The following CPVL variants were observed in gnomAD, a reference collection of about 807,000 sequenced individuals.
CPVL encodes the protein probable serine carboxypeptidase CPVL.
A neutral mutation model predicts 63.7 loss-of-function variants in CPVL; 51 were observed. That is an observed-to-expected ratio of 0.80 (90% CI 0.64 to 1.01). CPVL has a LOEUF of 1.01. CPVL is among the 50% of genes least tolerant of loss of function. The pLI is 0.00. For missense variants in CPVL, 530 were observed against 573.1 expected (o/e 0.92, Z 0.77); for synonymous variants, 195 against 206.0 (o/e 0.95, Z 0.46).
At chr7:29,004,506 TTC>T (rs1784976734) in intron 12 of CPVL, among the ~76,000 whole-genome samples, 1 of 152,216 alleles carries the variant, frequency 6.6e-6, no homozygotes, top group Non-Finnish European at 1.5e-5. Context: ...AGTTGAAGCT[TTC>T]TCTTTCCTTG....
intron 12 of CPVL, among the ~76,000 whole-genome samples, chr7:29,023,377 A>G (rs970957114): frequency 1.1e-4 from 16 of 152,260 alleles, no homozygotes; most frequent in African/African-American, 3.6e-4. Context: ...TCCTTTTATA[A>G]AACCATCAGA....
chr7:28,997,810 A>G lies in CPVL; in HGVS notation c.1321-1928T>C, dbSNP rs570177719. Among the ~76,000 whole-genome samples the G allele has an allele frequency of 2.0e-5, 3 of 152,350 alleles. No individual in the cohort carries two copies. The East Asian group carries it at 5.8e-4, about 29-fold the overall frequency. ...CCTCTGAGGTTTATTGATGAAAAAA[A>G]TTATTGCAGATATAAACATAATTTT... is the stretch of plus-strand genomic sequence containing the variant. On this transcript the variant is annotated intron_variant, in intron 12 of 12. Transcript: ENST00000265394.
intron 12 of CPVL, among the ~76,000 whole-genome samples, chr7:29,004,512 T>C (rs1279231610): frequency 6.6e-6 from 1 of 152,218 alleles, no homozygotes; most frequent in Non-Finnish European, 1.5e-5. Context: ...AGCTTTCTCT[T>C]TCCTTGGGCA....
chr7:29,019,687 C>T (rs147687659), intron 12 of CPVL, among the ~76,000 whole-genome samples: 157 of 152,246 alleles, frequency 1.0e-3, no homozygotes, highest in Middle Eastern at 3.4e-3. Context: ...GGCTAAGGTC[C>T]GTTTTCTTCA....
chr7:29,150,023 G>C (rs948383653), upstream of CPVL, among the ~76,000 whole-genome samples: 1 of 152,138 alleles, frequency 6.6e-6, no homozygotes, highest in Non-Finnish European at 1.5e-5. Flanking sequence ...TCAAAGGTTG[G>C]CCAACAAATC....
chr7:29,189,666 ACTCT>A (rs902398630), intron 1 of CPVL, among the ~76,000 whole-genome samples: 14 of 146,322 alleles, frequency 9.6e-5, no homozygotes, highest in East Asian at 6.0e-4. Context: ...AGAAAGAAAA[ACTCT>A]CTCTCTCTCG....
intron 3 of CPVL, among the ~76,000 whole-genome samples, chr7:29,102,250 G>A (rs1315711801): frequency 6.6e-6 from 1 of 152,100 alleles, no homozygotes; most frequent in Non-Finnish European, 1.5e-5. Flanking sequence ...AGGTTTTCAT[G>A]CAGTTTTAGA....
At chr7:29,170,877 T>G (rs1796508882) in intron 5 of CPVL, among the ~76,000 whole-genome samples, 1 of 152,110 alleles carries the variant, frequency 6.6e-6, no homozygotes, top group African/African-American at 2.4e-5. Context: ...GCAGGAAAAC[T>G]TCCCCTTATA....
At chr7:29,063,260 C>T (rs1782808970) in intron 11 of CPVL, among the ~76,000 whole-genome samples, 1 of 152,180 alleles carries the variant, frequency 6.6e-6, no homozygotes, top group Non-Finnish European at 1.5e-5. Flanking sequence ...CAAACAGGGA[C>T]CCTTTCTCAT....
intron 7 of CPVL, among the ~76,000 whole-genome samples, chr7:29,079,259 C>T (rs1192169528): frequency 1.3e-5 from 2 of 152,166 alleles, no homozygotes; most frequent in Non-Finnish European, 2.9e-5. Context: ...GAATCTGAAG[C>T]AGGTCCTAGA....
chr7:29,069,769 AATGTGTGTGTGTGTGT>A lies in CPVL; in HGVS notation c.864+1988_864+2003del, dbSNP rs1344778484. On this transcript the variant is annotated intron_variant, in intron 9 of 12. Coordinates refer to ENST00000265394, the MANE Select transcript of CPVL (RefSeq NM_031311.5). ...TCGGCATCCTCTCCACTCACCAGTA[AATGTGTGTGTGTGTGT>A]GTGTGTGTGTGTGTGTGTGTGTGTG... Among the ~76,000 whole-genome samples the A allele has an allele frequency of 2.5e-3, 288 of 114,768 alleles. 1 individual carries two copies. The highest frequency in any genetic ancestry group is 0.014 in the South Asian group (43 of 3,148). The allele number at this position is 114,768 out of a possible 152,430, so 75.3% of individuals were successfully genotyped here.
At chr7:29,128,585 A>G (rs1389991073) in intron 1 of CPVL, among the ~76,000 whole-genome samples, 1 of 151,902 alleles carries the variant, frequency 6.6e-6, no homozygotes, top group African/African-American at 2.4e-5. Flanking sequence ...GCATGGTGGC[A>G]CACGCCTGTA....
chr7:29,018,097 C>T (rs902204772), intron 12 of CPVL, among the ~76,000 whole-genome samples: 1 of 152,124 alleles, frequency 6.6e-6, no homozygotes, highest in African/African-American at 2.4e-5. Context: ...AAATTGCAAT[C>T]AGGAAAATCA....
At chr7:29,036,914 G>A (rs1788582014) in intron 11 of CPVL, among the ~76,000 whole-genome samples, 1 of 152,166 alleles carries the variant, frequency 6.6e-6, no homozygotes. Context: ...AGGTAAGTCA[G>A]TGTACCATGA....
intron 12 of CPVL, among the ~76,000 whole-genome samples, chr7:29,006,568 T>C (rs1185759047): frequency 2.6e-5 from 4 of 152,168 alleles, no homozygotes; most frequent in African/African-American, 9.7e-5. Context: ...CTTCCATTTA[T>C]ATCAGAGCAC....
At chr7:29,147,135 G>A (rs938584744), upstream of CPVL, 8 of 845,886 alleles carry the variant, frequency 9.5e-6, no homozygotes, top group Non-Finnish European at 1.3e-5. Context: ...AGTGACCTGA[G>A]TGTATATTAT....
At chr7:29,145,289 T>C (rs771286558) in intron 1 of CPVL, among the ~76,000 whole-genome samples, 5 of 152,030 alleles carry the variant, frequency 3.3e-5, no homozygotes, top group Non-Finnish European at 5.9e-5. Context: ...AAATGAGTTG[T>C]ACATTTAGCC....
intron 1 of CPVL, among the ~76,000 whole-genome samples, chr7:29,135,007 G>A (rs1483818773): frequency 1.3e-5 from 2 of 151,564 alleles, no homozygotes; most frequent in African/African-American, 2.4e-5. Flanking sequence ...GGGAGCTGAA[G>A]TGGGAGGATC....
chr7:29,104,800 G>A (rs1787559510), intron 3 of CPVL, among the ~76,000 whole-genome samples: 1 of 152,168 alleles, frequency 6.6e-6, no homozygotes, highest in South Asian at 2.1e-4. Flanking sequence ...GATGCAGGGA[G>A]GTGTGGAGAA....
Sources: allele counts gnomAD v4.1 joint callset (sites outside exome capture counted in the v4.1 genomes callset), GRCh38; gene constraint gnomAD v4.1.1; transcripts MANE v1.5; gene names NCBI Gene and HGNC (gene_info 2026-07-23, HGNC 2026-07-21).